The following AOPEP variants were observed in gnomAD, a reference collection of about 807,000 sequenced individuals.
AOPEP encodes the protein aminopeptidase O (putative).
AOPEP carries 77 observed loss-of-function variants against 98.1 expected under a neutral mutation model. The ratio of observed to expected loss-of-function variants is 0.78; its 90% confidence interval spans 0.65 to 0.95. AOPEP has a LOEUF of 0.95. AOPEP is among the 40% of genes least tolerant of loss of function. The pLI, the probability that AOPEP is intolerant of heterozygous loss-of-function variation, is 0.00. For synonymous variants in AOPEP, 346 were observed against 365.3 expected (o/e 0.95, Z 0.60); for missense variants, 1,024 against 1,024.7 (o/e 1.00, Z 0.01).
chr9:95,051,727 G>A lies in AOPEP; in HGVS notation c.2116-8967G>A, dbSNP rs533016005. 7.4e-5 allele frequency among the ~76,000 whole-genome samples: 11 copies of A among 148,434 alleles called. No homozygotes were observed. The East Asian group carries it at 9.8e-4, about 13-fold the overall frequency. On this transcript the variant is annotated intron_variant, in intron 13 of 16. Coordinates refer to ENST00000375315, the MANE Select transcript of AOPEP (RefSeq NM_001193329.3). ...GAAACTTTTTTTTTTTTTTTGAGAC[G>A]GAGTCTCACTCTTTTGCCCAGGCTG... is the stretch of plus-strand genomic sequence containing the variant.
chr9:94,880,436 G>GTTGGTAAAATTAAAACCACAAA, intron 5 of AOPEP, among the ~76,000 whole-genome samples: 5 of 147,108 alleles, frequency 3.4e-5, no homozygotes, highest in African/African-American at 1.3e-4. Context: ...GCGTGACCAT[G>GTTGGTAAAATTAAAACCACAAA]GCTCACTGCA....
At chr9:95,005,858 A>G (rs993800702) in intron 13 of AOPEP, 16 of 579,726 alleles carry the variant, frequency 2.8e-5, no homozygotes, top group Admixed American at 1.5e-4. Context: ...AAATACAGCA[A>G]TCGGACTTAA....
chr9:95,051,242 A>C (rs1407708941), intron 13 of AOPEP, among the ~76,000 whole-genome samples: 1 of 151,892 alleles, frequency 6.6e-6, no homozygotes, highest in Non-Finnish European at 1.5e-5. Flanking sequence ...GGTGCGCGCC[A>C]CCACACCCAG....
At chr9:94,809,698 A>G (rs1850045608) in intron 5 of AOPEP, among the ~76,000 whole-genome samples, 1 of 152,230 alleles carries the variant, frequency 6.6e-6, no homozygotes, top group Non-Finnish European at 1.5e-5. Context: ...CAATTCATAT[A>G]TCTATATTTA....
chr9:95,101,774 C>T, the AOPEP span: 2 of 1,614,174 alleles, frequency 1.2e-6, no homozygotes, highest in Non-Finnish European at 1.7e-6. Flanking sequence ...GCTTTCAATG[C>T]CAAGACGATT....
chr9:94,989,717 T>G (rs1047679864), intron 11 of AOPEP, among the ~76,000 whole-genome samples: 2 of 151,456 alleles, frequency 1.3e-5, no homozygotes, highest in African/African-American at 4.9e-5. Context: ...AATCAAGAGA[T>G]TCTCCTGCCT....
intron 5 of AOPEP, among the ~76,000 whole-genome samples, chr9:94,910,347 C>G (rs2051834714): frequency 6.6e-6 from 1 of 152,222 alleles, no homozygotes; most frequent in African/African-American, 2.4e-5. Context: ...CTGTGGCAGA[C>G]TGGTCATCTG....
chr9:94,900,219 G>A (rs2050205437), intron 5 of AOPEP, among the ~76,000 whole-genome samples: 1 of 152,220 alleles, frequency 6.6e-6, no homozygotes, highest in Non-Finnish European at 1.5e-5. Context: ...GAGACTGGGG[G>A]TAAAAGGAAG....
intron 5 of AOPEP, among the ~76,000 whole-genome samples, chr9:94,856,412 C>T (rs1303474757): frequency 2.0e-5 from 3 of 152,088 alleles, no homozygotes; most frequent in East Asian, 1.9e-4. Context: ...GAGGCTGAGG[C>T]GGGCGGATCA....
intron 11 of AOPEP, among the ~76,000 whole-genome samples, chr9:94,997,437 A>C (rs147676190): frequency 3.3e-5 from 5 of 152,188 alleles, no homozygotes; most frequent in Non-Finnish European, 5.9e-5. Context: ...AATTTTTTCC[A>C]TAGTAACCTA....
At chr9:94,786,255 G>A (rs1844404905) in intron 3 of AOPEP, among the ~76,000 whole-genome samples, 1 of 152,170 alleles carries the variant, frequency 6.6e-6, no homozygotes, top group Non-Finnish European at 1.5e-5. Context: ...CTCACAGCAA[G>A]ATACTATGAT....
At chr9:95,058,860 A>G (rs1168849391) in intron 13 of AOPEP, among the ~76,000 whole-genome samples, 8 of 152,216 alleles carry the variant, frequency 5.3e-5, no homozygotes, top group Non-Finnish European at 8.8e-5. Flanking sequence ...AGCCTCCTGC[A>G]GGAAAGCACC....
chr9:95,117,236 GC>G, the AOPEP span: 4 of 1,219,126 alleles, frequency 3.3e-6, no homozygotes, highest in South Asian at 5.0e-5. Context: ...GTAGATAAGG[GC>G]CTGATGAGGA....
chr9:95,037,644 T>G (rs1209978043), intron 13 of AOPEP, among the ~76,000 whole-genome samples: 1 of 152,186 alleles, frequency 6.6e-6, no homozygotes, highest in Non-Finnish European at 1.5e-5. Context: ...AAAGAGCATG[T>G]CAGGAGTAGG....
chr9:94,772,887 A>G (rs1287230605), intron 2 of AOPEP, 115 bp from the exon 3 acceptor site: 13 of 1,054,474 alleles, frequency 1.2e-5, no homozygotes, highest in Non-Finnish European at 1.7e-5. Context: ...TCAACTACAA[A>G]GTTTCAAATG....
intron 5 of AOPEP, among the ~76,000 whole-genome samples, chr9:94,813,387 G>T (rs1468728663): frequency 6.6e-6 from 1 of 152,168 alleles, no homozygotes; most frequent in African/African-American, 2.4e-5. Flanking sequence ...CTTTGATGAT[G>T]ATACCACCTG....
intron 4 of AOPEP, 60 bp from the exon 5 acceptor site, chr9:94,800,697 C>A (rs1462720990): frequency 1.3e-6 from 2 of 1,587,118 alleles, no homozygotes; most frequent in Admixed American, 1.7e-5. Flanking sequence ...TGCAAGATTG[C>A]CTCACCTCCA....
At chr9:94,791,262 TCTTA>T (rs1845647451) in intron 3 of AOPEP, among the ~76,000 whole-genome samples, 1 of 152,152 alleles carries the variant, frequency 6.6e-6, no homozygotes. Context: ...TACTGCATGT[TCTTA>T]CTTATAAGTG....
intron 13 of AOPEP, among the ~76,000 whole-genome samples, chr9:95,016,323 A>G (rs1021239138): frequency 6.7e-6 from 1 of 150,202 alleles, no homozygotes; most frequent in African/African-American, 2.5e-5. Context: ...GCCCACTGCA[A>G]CGTCAGCCTC....
Sources: allele counts gnomAD v4.1 joint callset (sites outside exome capture counted in the v4.1 genomes callset), GRCh38; gene constraint gnomAD v4.1.1; transcripts MANE v1.5; gene names NCBI Gene and HGNC (gene_info 2026-07-23, HGNC 2026-07-21).